Variants in SEC14L6 observed in about 807,000 individuals in gnomAD.
The protein encoded by SEC14L6 is SEC14 like lipid binding 6.
A neutral mutation model predicts 54.1 loss-of-function variants in SEC14L6; 40 were observed. That is an observed-to-expected ratio of 0.74 (90% CI 0.57 to 0.96). The LOEUF (loss-of-function observed/expected upper bound fraction) is 0.96. Ranked by LOEUF, SEC14L6 falls within the 40% of genes least tolerant of loss-of-function variation. The pLI is 0.00. For synonymous variants in SEC14L6, 171 were observed against 198.4 expected, an observed-to-expected ratio of 0.86 and a Z score of 1.16; for missense variants, 471 against 498.3, an observed-to-expected ratio of 0.95 and a Z score of 0.52.
At chr22:30,542,574 T>A in intron 1 of SEC14L6, 2 of 1,440,488 alleles carry the variant, frequency 1.4e-6, no homozygotes, top group Non-Finnish European at 1.8e-6. Context: ...CCGCGGCCCA[T>A]GGAGCCCGCG....
At chr22:30,528,328 GTC>G (rs1439248650) in intron 8 of SEC14L6, among the ~76,000 whole-genome samples, 2 of 150,354 alleles carry the variant, frequency 1.3e-5, no homozygotes, top group Non-Finnish European at 2.9e-5. Context: ...TCACCATATT[GTC>G]CAGGCTGGTC....
intron 3 of SEC14L6, 35 bp downstream of exon 3, chr22:30,533,960 AG>A: frequency 6.5e-7 from 1 of 1,542,070 alleles, no homozygotes; most frequent in Non-Finnish European, 8.8e-7. Context: ...GATAGGAAAC[AG>A]GACCAGGCTA....
chr22:30,525,697 C>T lies in SEC14L6; in HGVS notation c.825G>A (p.Arg275=), dbSNP rs111572589. ...CGGACCTCGTGTGCTCATACTGCAG[C>T]CTCACCTGCTTGCACAGGTAGTAGC... The part of the protein sequence containing the change: ...PKSYYLCKQV[R]LQYEHTRSVG... Residue 275 remains arginine, a synonymous_variant, in exon 10 of 12, where the codon AGG becomes AGA. Transcript: ENST00000402034. 60 of 1,613,662 alleles carry T rather than the reference C, an allele frequency of 3.7e-5. No homozygotes were observed. The highest frequency in any genetic ancestry group is 4.6e-5 in the Non-Finnish European group (54 of 1,179,954).
chr22:30,525,461 T>G lies in SEC14L6; in HGVS notation c.970A>C (p.Met324Leu). ...TCCCTAGCCCTCTGCCGCTCCCCCA[T>G]CTTGGTCTTCAGGAAAACCCCAAAG... ...IGFGVFLKTK[M>L]GERQRAREMT... The change falls in exon 11 of 12, where the codon ATG becomes CTG. Residue 324 changes from methionine to leucine, a missense_variant. By Grantham distance (15) the Met-to-Leu change is conservative. Coordinates refer to ENST00000402034, the MANE Select transcript of SEC14L6 (RefSeq NM_001193336.4). 6.2e-7 allele frequency: 1 copy of G among 1,614,128 alleles called. No homozygotes were observed. The highest frequency in any genetic ancestry group is 1.3e-5 in the African/African-American group (1 of 75,024).
At chr22:30,532,046 C>A (rs1253159613) in intron 5 of SEC14L6, 48 bp from the exon 6 acceptor site, 4 of 1,536,528 alleles carry the variant, frequency 2.6e-6, no homozygotes, top group Non-Finnish European at 3.5e-6. Context: ...CCACTGCCCC[C>A]ACCCATCCAA....
At chr22:30,535,944 G>A (rs1315612228) in intron 2 of SEC14L6, among the ~76,000 whole-genome samples, 2 of 142,828 alleles carry the variant, frequency 1.4e-5, no homozygotes, top group Non-Finnish European at 3.0e-5. Context: ...GTCCAGGCTA[G>A]TCTCAAACTC....
chr22:30,530,980 A>T (rs1601883411), intron 6 of SEC14L6, among the ~76,000 whole-genome samples: 1 of 152,338 alleles, frequency 6.6e-6, no homozygotes, highest in South Asian at 2.1e-4. Context: ...GGACATCCAC[A>T]GGGACATTGG....
chr22:30,543,037 G>A (rs1170087642), intron 1 of SEC14L6: 11 of 1,599,208 alleles, frequency 6.9e-6, no homozygotes, highest in African/African-American at 1.3e-5. Context: ...ATCGGGCCCC[G>A]CAGCGAGGGC....
chr22:30,527,821 T>C (rs1936827125), intron 8 of SEC14L6, among the ~76,000 whole-genome samples: 1 of 151,770 alleles, frequency 6.6e-6, no homozygotes, highest in Non-Finnish European at 1.5e-5. Flanking sequence ...TGTGGATGTG[T>C]ACAAAGGTTA....
At chr22:30,541,018 C>CAAAA (rs11443760) in intron 1 of SEC14L6, among the ~76,000 whole-genome samples, 1 of 142,844 alleles carries the variant, frequency 7.0e-6, no homozygotes, top group African/African-American at 2.6e-5. Flanking sequence ...GACTACATCT[C>CAAAA]AAAAAAAAAA....
chr22:30,543,453 G>C (rs982232321), intron 1 of SEC14L6: 1 of 1,611,738 alleles, frequency 6.2e-7, no homozygotes, highest in Admixed American at 1.7e-5. Context: ...ATGTGTCCCG[G>C]ACAGAAACGG....
rs1459528409 is a variant in SEC14L6, at chr22:30,546,660, A to G, written c.23T>C (p.Leu8Pro). The stretch of plus-strand genomic sequence containing the variant: ...CAGCGACTTCTCCTGCGATGGGCTC[A>G]GGTCACCCACTTGTCCACTCATGCT... MSGQVGDLSPSQEKSLAQ... is the reference protein window; with the variant it reads MSGQVGDPSPSQEKSLAQ... Residue 8 changes from leucine (L) to proline (P), a missense_variant, in exon 1 of 12, where the codon CTG becomes CCG. Physicochemically the swap from Leu to Pro is moderately conservative, Grantham distance 98. Transcript: ENST00000402034. 1 of 1,550,488 alleles carries G rather than the reference A, an allele frequency of 6.4e-7. No homozygotes were observed.
chr22:30,543,928 G>A, intron 1 of SEC14L6: 2 of 1,605,984 alleles, frequency 1.2e-6, no homozygotes, highest in Admixed American at 1.7e-5. Context: ...CACAGAGTAT[G>A]CCAGCATTCA....
chr22:30,535,703 T>C (rs748516156), intron 2 of SEC14L6, among the ~76,000 whole-genome samples: 16 of 152,120 alleles, frequency 1.1e-4, no homozygotes, highest in South Asian at 2.1e-4. Flanking sequence ...TACTATGTCA[T>C]AGCTTTTGTT....
chr22:30,545,802 G>GT (rs1190056407), intron 1 of SEC14L6, among the ~76,000 whole-genome samples: 5 of 151,324 alleles, frequency 3.3e-5, no homozygotes, highest in Admixed American at 1.3e-4. Context: ...TTCTTTTTAG[G>GT]TTTTTTTTGT....
rs748264411 is a variant in SEC14L6, at chr22:30,529,262, A to G, written c.580+27T>C. The G allele has an allele frequency of 6.5e-6, 10 of 1,548,980 alleles. No individual in the cohort carries two copies. The African/African-American group carries it at 9.6e-5, about 15-fold the overall frequency. On this transcript the variant is annotated intron_variant, in intron 7 of 11. Coordinates refer to ENST00000402034, the MANE Select transcript of SEC14L6 (RefSeq NM_001193336.4). ...CGCACATCCCCTGTCCCCCCAACTC[A>G]TGCATATCCTGGGCTGCTTTACTCA...
At chr22:30,542,428 A>G in intron 1 of SEC14L6, 1 of 445,056 alleles carries the variant, frequency 2.2e-6, no homozygotes, top group East Asian at 3.8e-5. Flanking sequence ...TCCCCAGGCC[A>G]CCTTAAGAGG....
Position 30,542,772 on chromosome 22 carries a change from A to C in SEC14L6, c.54+3857T>G. 13 of 1,589,694 alleles carry C rather than the reference A, an allele frequency of 8.2e-6. No homozygotes were observed. In the South Asian group the frequency reaches 1.4e-4, roughly 18 times the overall value. ...CCCTGAACCCTGTGGGGCCCATCCA[A>C]CGGTTCAGAGGAGCTGGACCAGGCC... On this transcript the variant is annotated intron_variant, in intron 1 of 11. Transcript: ENST00000402034.
At position 30,525,024 on chromosome 22, in the gene SEC14L6, G is replaced by C; in HGVS notation, c.1167C>G (p.Thr389=). Residue 389 remains threonine, a synonymous_variant, in exon 12 of 12, where the codon ACC becomes ACG. Coordinates refer to ENST00000402034, the MANE Select transcript of SEC14L6 (RefSeq NM_001193336.4). ...YTVEVLLPDQ[T]FMEKMEKF ...AGAATTTCTCCATCTTCTCCATGAAGGTTTGGTCTGGGAGCAGTACCTCCA... is the reference window on the plus strand; with the variant it reads ...AGAATTTCTCCATCTTCTCCATGAACGTTTGGTCTGGGAGCAGTACCTCCA... The C allele has an allele frequency of 6.5e-7, 1 of 1,544,692 alleles. No homozygotes were observed. Among genetic ancestry groups the C allele is most frequent in the South Asian group, 1.2e-5 (1 of 83,924 alleles).
Sources: allele counts gnomAD v4.1 joint callset (sites outside exome capture counted in the v4.1 genomes callset), GRCh38; gene constraint gnomAD v4.1.1; transcripts MANE v1.5; gene names NCBI Gene and HGNC (gene_info 2026-07-23, HGNC 2026-07-21).